DST: variants seen among roughly 807,000 people sequenced by gnomAD.
DST encodes dystonin.
A neutral mutation model predicts 875.2 loss-of-function variants in DST; 253 were observed. That is an observed-to-expected ratio of 0.29 (90% CI 0.26 to 0.32). The LOEUF is 0.32. Among genes scored for constraint, DST ranks in the 10% least tolerant of loss-of-function variants. The pLI, the probability that DST is intolerant of heterozygous loss-of-function variation, is 1.00. For missense variants in DST, 8,287 were observed against 9,111.6 expected, an observed-to-expected ratio of 0.91 and a Z score of 3.68; for synonymous variants, 3,124 against 3,197.1, an observed-to-expected ratio of 0.98 and a Z score of 0.77.
chr6:56,526,615 T>C, intron 68 of DST, 48 bp from the exon 69 acceptor site: 1 of 1,557,010 alleles, frequency 6.4e-7, no homozygotes, highest in Non-Finnish European at 8.8e-7. Context: ...TTCAACAGAC[T>C]TTTCCTTTAA....
intron 32 of DST, among the ~76,000 whole-genome samples, 175 bp downstream of exon 32, chr6:56,629,075 G>A (rs1358029793): frequency 6.6e-6 from 1 of 152,150 alleles, no homozygotes; most frequent in Non-Finnish European, 1.5e-5. Context: ...CTTATTTTAA[G>A]TTAAATGTCT....
intron 3 of DST, among the ~76,000 whole-genome samples, chr6:56,879,032 T>C (rs893784952): frequency 6.6e-6 from 1 of 152,176 alleles, no homozygotes; most frequent in African/African-American, 2.4e-5. Flanking sequence ...AAATGGTAAT[T>C]AGTGAGAAAG....
intron 49 of DST, among the ~76,000 whole-genome samples, chr6:56,582,787 G>T (rs143641706): frequency 4.0e-5 from 6 of 150,790 alleles, no homozygotes; most frequent in African/African-American, 1.5e-4. Flanking sequence ...GATGATCCCC[G>T]TCCTGTGTCC....
At chr6:56,572,318 TG>T in intron 52 of DST, 52 bp from the exon 53 acceptor site, 1 of 1,314,954 alleles carries the variant, frequency 7.6e-7, no homozygotes. Flanking sequence ...GATCTTCAAA[TG>T]GCATTCCATC....
chr6:56,752,107 GC>G (rs1298084906), intron 4 of DST, among the ~76,000 whole-genome samples: 5 of 151,326 alleles, frequency 3.3e-5, no homozygotes, highest in African/African-American at 1.2e-4. Context: ...AATGGGCCAG[GC>G]TTTTTAACAA....
intron 61 of DST, among the ~76,000 whole-genome samples, chr6:56,544,281 T>TA (rs1163568690): frequency 6.6e-6 from 1 of 152,236 alleles, no homozygotes; most frequent in Admixed American, 6.5e-5. Flanking sequence ...ATATGAATAA[T>TA]AAAGTTTCCT....
At chr6:56,950,192 T>C (rs2127815124) in intron 2 of DST, among the ~76,000 whole-genome samples, 1 of 152,332 alleles carries the variant, frequency 6.6e-6, no homozygotes, top group South Asian at 2.1e-4. Context: ...ACTCTTTTGG[T>C]TCCTTTGCCT....
chr6:56,494,310 A>T (rs990429773), intron 82 of DST, 130 bp from the exon 83 acceptor site: 3 of 705,406 alleles, frequency 4.3e-6, no homozygotes, highest in Non-Finnish European at 6.6e-6. Flanking sequence ...GGCAACCTTG[A>T]CGCATTTATA....
At chr6:56,930,249 T>C (rs950926893) in intron 2 of DST, among the ~76,000 whole-genome samples, 4 of 152,202 alleles carry the variant, frequency 2.6e-5, no homozygotes, top group Non-Finnish European at 5.9e-5. Context: ...TCTACTAAAG[T>C]AGTTGCAGCA....
At position 56,934,550 on chromosome 6, in the gene DST, A is replaced by ATATAT. The variant is rs1202931290; in HGVS notation, c.216+19230_216+19234dup. Among the ~76,000 whole-genome samples, 336 of 116,722 alleles carry ATATAT rather than the reference A, an allele frequency of 2.9e-3. 3 individuals carry two copies. Among genetic ancestry groups the ATATAT allele is most frequent in the African/African-American group, 0.011 (311 of 29,612 alleles). The allele number at this position is 116,722 out of a possible 152,430, so 76.6% of individuals were successfully genotyped here. ...TATATACATATAAAATATACATATT[A>ATATAT]TATATTATATTATATATATATATAT... On this transcript the variant is annotated intron_variant, in intron 2 of 103. Coordinates refer to ENST00000680361, the MANE Select transcript of DST (RefSeq NM_001374736.1).
intron 4 of DST, among the ~76,000 whole-genome samples, chr6:56,762,195 T>A (rs1014054719): frequency 6.6e-6 from 1 of 152,186 alleles, no homozygotes; most frequent in East Asian, 1.9e-4. Context: ...TAATTTTTTG[T>A]ATTTTTAGTA....
At position 56,634,882 on chromosome 6, in the gene DST, A is replaced by G. The variant is rs183601227; in HGVS notation, c.3258T>C (p.Ile1086=). 22 of 1,613,860 alleles carry G rather than the reference A, an allele frequency of 1.4e-5. No individual in the cohort carries two copies. Among genetic ancestry groups the G allele is most frequent in the Non-Finnish European group, 8.5e-7 (1 of 1,179,880 alleles). ...ANLMGKAKTI[I]QLKPRNSDCP... ...AGTCAGAATTCCTTGGCTTCAGTTG[A>G]ATTATTGTTTTTGCTTTTCCCATTA... Residue 1086 remains isoleucine (I), a synonymous_variant, in exon 25 of 104, where the codon ATT becomes ATC. Transcript: ENST00000680361.
Position 56,615,558 on chromosome 6 carries a change from G to T in DST, c.4930-1074C>A, listed in dbSNP as rs763986013. Reference sequence around the variant, plus strand: ...AGGCTAGAAATTCCTGTCATCAGGGGCTCAGATACTTCTAACAGTTTAAGT... The same window carrying T: ...AGGCTAGAAATTCCTGTCATCAGGGTCTCAGATACTTCTAACAGTTTAAGT... On this transcript the variant is annotated intron_variant, in intron 36 of 103. Coordinates refer to ENST00000680361, the MANE Select transcript of DST (RefSeq NM_001374736.1). The T allele has an allele frequency of 2.4e-5, 38 of 1,613,976 alleles. No individual in the cohort carries two copies. The Middle Eastern group carries it at 4.9e-4, about 21-fold the overall frequency.
intron 4 of DST, among the ~76,000 whole-genome samples, chr6:56,795,793 A>G (rs553824528): frequency 1.4e-4 from 21 of 152,286 alleles, no homozygotes; most frequent in Non-Finnish European, 2.8e-4. Context: ...AATAGCAATA[A>G]TGAAAGCCCA....
intron 5 of DST, among the ~76,000 whole-genome samples, chr6:56,729,984 T>G (rs971047290): frequency 6.6e-6 from 1 of 152,188 alleles, no homozygotes; most frequent in African/African-American, 2.4e-5. Flanking sequence ...TGTCCAACAA[T>G]GGCATCCAGG....
intron 3 of DST, among the ~76,000 whole-genome samples, chr6:56,898,602 T>G (rs1056152414): frequency 1.3e-5 from 2 of 152,238 alleles, no homozygotes; most frequent in East Asian, 1.9e-4. Context: ...TTTAGCATAA[T>G]GTACAAGCCC....
intron 2 of DST, among the ~76,000 whole-genome samples, chr6:56,938,122 A>C (rs1460595262): frequency 2.1e-5 from 3 of 143,274 alleles, no homozygotes; most frequent in Non-Finnish European, 3.0e-5. Context: ...ATATATATAT[A>C]TATATATATG....
In DST at chr6:56,465,867, T is replaced by TAA. The variant is rs11359681; in HGVS notation, c.22687+209_22687+210dup. ...GCCCACCATATTTATCCAGAAAAAG[T>TAA]AAAAAAAAAAAAAAAAAAGAAAGAA... On this transcript the variant is annotated intron_variant, in intron 99 of 103. Coordinates refer to ENST00000680361, the MANE Select transcript of DST (RefSeq NM_001374736.1). Among the ~76,000 whole-genome samples the TAA allele has an allele frequency of 0.015, 1,719 of 112,336 alleles. 30 individuals are homozygous for TAA. The highest frequency in any genetic ancestry group is 0.045 in the African/African-American group (1,492 of 33,428). 73.7% of individuals were successfully genotyped at this position (112,336 alleles called of 152,430 possible).
intron 98 of DST, among the ~76,000 whole-genome samples, chr6:56,468,214 G>C (rs2094688036): frequency 6.6e-6 from 1 of 152,022 alleles, no homozygotes; most frequent in African/African-American, 2.4e-5. Context: ...TCAAAACAGA[G>C]TATCTCCTTA....
Sources: gnomAD v4.1 joint callset for allele counts (sites outside exome capture counted in the v4.1 genomes callset) on GRCh38, gnomAD v4.1.1 for gene constraint, MANE v1.5 for transcripts, NCBI Gene and HGNC (gene_info 2026-07-23, HGNC 2026-07-21) for gene names.